GPC5: variants seen among roughly 807,000 people sequenced by gnomAD.
The protein encoded by GPC5 is glypican 5.
A neutral mutation model predicts 53.9 loss-of-function variants in GPC5; 47 were observed. The observed-to-expected ratio is 0.87, with a 90% CI of 0.69 to 1.11. The LOEUF (loss-of-function observed/expected upper bound fraction) is 1.11, where lower values mean the gene tolerates loss of function less well. GPC5 is among the 50% of genes most tolerant of loss of function. The probability of loss-of-function intolerance (pLI) is 0.00; values close to 1 mark genes in which losing one functional copy is unlikely to be tolerated. For missense variants in GPC5, 748 were observed against 713.1 expected (o/e 1.05, Z -0.56); for synonymous variants, 286 against 263.3 (o/e 1.09, Z -0.84).
At chr13:91,950,964 C>A (rs2040020900) in intron 6 of GPC5, among the ~76,000 whole-genome samples, 1 of 152,246 alleles carries the variant, frequency 6.6e-6, no homozygotes, top group East Asian at 1.9e-4. Context: ...AATACTATTT[C>A]TACTGCTATT....
At chr13:92,208,944 T>C (rs569912102) in intron 7 of GPC5, among the ~76,000 whole-genome samples, 1 of 152,316 alleles carries the variant, frequency 6.6e-6, no homozygotes, top group East Asian at 1.9e-4. Context: ...ACCAAATTGA[T>C]AATATGATGG....
chr13:92,637,575 A>G (rs934107943), intron 7 of GPC5, among the ~76,000 whole-genome samples: 4 of 152,218 alleles, frequency 2.6e-5, no homozygotes, highest in African/African-American at 9.6e-5. Flanking sequence ...TTCTCCCTAG[A>G]CTAAAAGGTG....
chr13:91,558,761 T>C (rs1010264854), intron 2 of GPC5, among the ~76,000 whole-genome samples: 1 of 152,094 alleles, frequency 6.6e-6, no homozygotes, highest in African/African-American at 2.4e-5. Context: ...GGTGGTTTTC[T>C]TCTCTTGTGC....
chr13:91,764,207 G>A (rs1051011242), intron 5 of GPC5, among the ~76,000 whole-genome samples: 28 of 151,992 alleles, frequency 1.8e-4, no homozygotes, highest in Admixed American at 5.9e-4. Flanking sequence ...TCCTAACTAC[G>A]GTTAAAGCTT....
At chr13:92,756,092 G>C (rs1391385183) in intron 7 of GPC5, among the ~76,000 whole-genome samples, 1 of 151,756 alleles carries the variant, frequency 6.6e-6, no homozygotes, top group Non-Finnish European at 1.5e-5. Flanking sequence ...TAAAATACTG[G>C]CAAAACGAAT....
At chr13:92,415,805 A>C (rs1342461866) in intron 7 of GPC5, among the ~76,000 whole-genome samples, 1 of 152,208 alleles carries the variant, frequency 6.6e-6, no homozygotes, top group Non-Finnish European at 1.5e-5. Context: ...CATATCAAGA[A>C]AGATGAACCA....
intron 3 of GPC5, among the ~76,000 whole-genome samples, chr13:91,706,117 G>T (rs1470832573): frequency 6.6e-6 from 1 of 151,582 alleles, no homozygotes; most frequent in African/African-American, 2.4e-5. Context: ...CTGACCTCAT[G>T]ATCCGCCCAC....
chr13:91,915,615 A>T (rs564844576), intron 6 of GPC5, among the ~76,000 whole-genome samples: 12 of 152,322 alleles, frequency 7.9e-5, no homozygotes, highest in Non-Finnish European at 1.6e-4. Flanking sequence ...ATGTTGAAAG[A>T]CCATTAAAAT....
intron 7 of GPC5, among the ~76,000 whole-genome samples, chr13:92,170,164 A>C (rs1283625760): frequency 2.0e-5 from 3 of 151,784 alleles, no homozygotes; most frequent in Non-Finnish European, 4.4e-5. Context: ...GAGAACTTTA[A>C]AAAAAACCTT....
intron 6 of GPC5, among the ~76,000 whole-genome samples, chr13:92,123,443 G>T (rs1168180473): frequency 2.0e-5 from 3 of 152,040 alleles, no homozygotes; most frequent in Admixed American, 6.5e-5. Flanking sequence ...AAAAGAAAAG[G>T]CAGGGAATTG....
intron 7 of GPC5, among the ~76,000 whole-genome samples, chr13:92,394,386 T>C (rs906332924): frequency 1.9e-4 from 29 of 152,110 alleles, no homozygotes; most frequent in Admixed American, 3.3e-4. Flanking sequence ...GAGGCACTTA[T>C]GTAAGGAAGG....
At position 92,347,425 on chromosome 13, in the gene GPC5, C is replaced by G. The variant is rs75450702; in HGVS notation, c.1561+202436C>G. Among the ~76,000 whole-genome samples the G allele has an allele frequency of 8.8e-3, 1,344 of 152,090 alleles. 19 individuals are homozygous for G. Among genetic ancestry groups the G allele is most frequent in the African/African-American group, 0.031 (1,278 of 41,526 alleles). ...AAACACAAGCTTTTAACCAAAAATA[C>G]TTTAATCAGAAAATTGGTCTTTTAG... On this transcript the variant is annotated intron_variant, in intron 7 of 7. Transcript: ENST00000377067.
chr13:92,384,696 C>T (rs2043778104), intron 7 of GPC5, among the ~76,000 whole-genome samples: 1 of 152,074 alleles, frequency 6.6e-6, no homozygotes, highest in South Asian at 2.1e-4. Flanking sequence ...CTGAGCAACA[C>T]GAAGTGGTAC....
In GPC5 at chr13:92,290,403, T is replaced by C. The variant is rs147407332; in HGVS notation, c.1561+145414T>C. Among the ~76,000 whole-genome samples the C allele has an allele frequency of 6.9e-3, 1,049 of 152,248 alleles. 9 individuals carry two copies. The highest frequency in any genetic ancestry group is 0.02 in the African/African-American group (840 of 41,538). ...TTGGTTACATCAGTAAGTTCTTTAGTGGTGATTTTTGAGATTTTGGCGCAC... is the reference window on the plus strand; with the variant it reads ...TTGGTTACATCAGTAAGTTCTTTAGCGGTGATTTTTGAGATTTTGGCGCAC... On this transcript the variant is annotated intron_variant, in intron 7 of 7. Transcript: ENST00000377067.
intron 5 of GPC5, among the ~76,000 whole-genome samples, chr13:91,768,561 G>T (rs997701714): frequency 3.3e-5 from 5 of 152,070 alleles, no homozygotes; most frequent in Non-Finnish European, 7.4e-5. Context: ...TTTCAGAGTA[G>T]TCATGAAGAA....
At chr13:92,289,815 A>G (rs1282736706) in intron 7 of GPC5, among the ~76,000 whole-genome samples, 1 of 151,868 alleles carries the variant, frequency 6.6e-6, no homozygotes, top group African/African-American at 2.4e-5. Flanking sequence ...TCTTCTCTAT[A>G]TATTTTTATA....
At chr13:91,929,814 T>A (rs1311129792) in intron 6 of GPC5, among the ~76,000 whole-genome samples, 42 of 151,210 alleles carry the variant, frequency 2.8e-4, no homozygotes, top group Non-Finnish European at 5.0e-4. Flanking sequence ...GATTTTCTAT[T>A]TTTTTTTTAT....
At chr13:92,851,957 G>A (rs550142690) in intron 7 of GPC5, among the ~76,000 whole-genome samples, 3 of 151,754 alleles carry the variant, frequency 2.0e-5, no homozygotes, top group Admixed American at 6.6e-5. Flanking sequence ...CCCTGACCAG[G>A]AGGAAAGTTA....
At chr13:91,833,349 A>G (rs948284284) in intron 5 of GPC5, among the ~76,000 whole-genome samples, 2 of 152,168 alleles carry the variant, frequency 1.3e-5, no homozygotes, top group Non-Finnish European at 2.9e-5. Flanking sequence ...TTCTGAAACT[A>G]TTGCAAACAA....
Sources: allele counts gnomAD v4.1 joint callset (sites outside exome capture counted in the v4.1 genomes callset), GRCh38; gene constraint gnomAD v4.1.1; transcripts MANE v1.5; gene names NCBI Gene and HGNC (gene_info 2026-07-23, HGNC 2026-07-21).